KIF1B: variants seen among roughly 807,000 people sequenced by gnomAD.
The protein encoded by KIF1B is kinesin family member 1B.
In KIF1B, 76 loss-of-function variants were observed where a neutral mutation model predicts 241.9. That is an observed-to-expected ratio of 0.31 (90% CI 0.26 to 0.38). The LOEUF (loss-of-function observed/expected upper bound fraction) is 0.38. KIF1B is among the 10% of genes least tolerant of loss of function. KIF1B has a pLI of 1.00. For missense variants in KIF1B, 1,622 were observed against 2,271.4 expected, an observed-to-expected ratio of 0.71 and a Z score of 5.81; for synonymous variants, 750 against 796.7, an observed-to-expected ratio of 0.94 and a Z score of 0.99.
chr1:10,296,890 G>A lies in KIF1B; in HGVS notation c.1862-7G>A, dbSNP rs758079105. 6.2e-6 allele frequency: 10 copies of A among 1,613,010 alleles called. No homozygotes were observed. Among genetic ancestry groups the A allele is most frequent in the Non-Finnish European group, 8.5e-6 (10 of 1,179,452 alleles). On this transcript the variant is annotated splice_region_variant and splice_polypyrimidine_tract_variant and intron_variant, in intron 20 of 48. Coordinates refer to ENST00000676179, the MANE Select transcript of KIF1B (RefSeq NM_001365951.3). ...TTTCTTAACCCTATTTTTCTGTTTT[G>A]TGCTAGGAAACCGTATCATCATGGG... is the stretch of plus-strand genomic sequence containing the variant.
Position 10,324,084 on chromosome 1 carries a change from C to G in KIF1B, c.2537+22C>G. ...TCAAGTATGAAAACATTCATAAAGG[C>G]TGGTTGTTTTATTTAGGAAATAACA... is the stretch of plus-strand genomic sequence containing the variant. On this transcript the variant is annotated intron_variant, in intron 25 of 48. Transcript: ENST00000676179. 3 of 1,611,718 alleles carry G rather than the reference C, an allele frequency of 1.9e-6. No homozygotes were observed. In the East Asian group the frequency reaches 6.7e-5, roughly 36 times the overall value.
At chr1:10,328,221 T>C (rs1236384684) in intron 27 of KIF1B, among the ~76,000 whole-genome samples, 1 of 152,034 alleles carries the variant, frequency 6.6e-6, no homozygotes, top group East Asian at 1.9e-4. Flanking sequence ...TAAAACAGAA[T>C]TTGTAGTATG....
At chr1:10,260,881 A>AG (rs1491138995) in intron 4 of KIF1B, among the ~76,000 whole-genome samples, 1 of 151,626 alleles carries the variant, frequency 6.6e-6, no homozygotes, top group Non-Finnish European at 1.5e-5. Flanking sequence ...AAAAAAAAAA[A>AG]GAAACCACAC....
intron 1 of KIF1B, among the ~76,000 whole-genome samples, chr1:10,230,057 C>T (rs903746848): frequency 6.6e-6 from 1 of 151,840 alleles, no homozygotes; most frequent in Non-Finnish European, 1.5e-5. Context: ...TGCCTGTAGT[C>T]GCAGCTGTTT....
chr1:10,375,458 C>T lies in KIF1B; in HGVS notation c.5408+85C>T, dbSNP rs1475828052. The T allele has an allele frequency of 6.4e-6, 7 of 1,087,848 alleles. No individual in the cohort carries two copies. In the Admixed American group the frequency reaches 1.0e-4, roughly 16 times the overall value. 67.4% of individuals were successfully genotyped at this position (1,087,848 alleles called of 1,614,324 possible). On this transcript the variant is annotated intron_variant, in intron 48 of 48. Transcript: ENST00000676179. ...GAAGTGCAGTGGCTTGGTCTTGGCT[C>T]ACTGCAACCTCCGCCCCCTGGTTCA...
rs1569853492 is a variant in KIF1B, at chr1:10,337,202, G to C, written c.3258G>C (p.Leu1086Phe). The C allele has an allele frequency of 1.9e-6, 3 of 1,614,064 alleles. No individual in the cohort carries two copies. Among genetic ancestry groups the C allele is most frequent in the Non-Finnish European group, 2.5e-6 (3 of 1,180,008 alleles). The change falls in exon 30 of 49, where the codon TTG (leucine) becomes TTC (phenylalanine). Residue 1086 changes from leucine (L) to phenylalanine (F), a missense_variant and splice_region_variant. By Grantham distance (22) the Leu-to-Phe change is conservative. This residue lies in a region of KIF1B where 803 missense variants were observed against 1,112.0 expected (regional missense o/e 0.72). Transcript: ENST00000676179. This position sits in a 1 kb window ranked among gnomAD's most constrained non-coding sequence, Gnocchi z 4.0. ...AAGAAATCAGTCGAATTAATGACTT[G>C]GGTATGTAGACATAGTTTACTGTGC... Reference protein sequence around the residue: ...PPEEISRINDLDLKSSTLLDG... With the variant: ...PPEEISRINDFDLKSSTLLDG...
chr1:10,330,126 C>T (rs960260851), intron 27 of KIF1B, among the ~76,000 whole-genome samples: 6 of 152,180 alleles, frequency 3.9e-5, no homozygotes, highest in African/African-American at 1.4e-4. Context: ...CATCCCTGTT[C>T]TCCTTCAGTC....
intron 27 of KIF1B, among the ~76,000 whole-genome samples, chr1:10,329,724 A>T (rs1201844597): frequency 1.4e-5 from 2 of 146,234 alleles, no homozygotes; most frequent in Non-Finnish European, 3.0e-5. Context: ...CAGAGCAAAG[A>T]CTCTGTCTAG....
At chr1:10,371,388 G>A (rs1638728528) in intron 45 of KIF1B, 126 bp downstream of exon 45, 3 of 1,172,492 alleles carry the variant, frequency 2.6e-6, no homozygotes, top group East Asian at 5.1e-5. Context: ...GGAAATGTGT[G>A]GGAGCCTTTT....
chr1:10,348,659 G>A lies in KIF1B; in HGVS notation c.3875G>A (p.Arg1292Gln). The A allele has an allele frequency of 6.2e-7, 1 of 1,613,990 alleles. No homozygotes were observed. The highest frequency in any genetic ancestry group is 8.5e-7 in the Non-Finnish European group (1 of 1,179,888). The change falls in exon 37 of 49, where the codon CGA becomes CAA. Residue 1292 changes from arginine (R) to glutamine (Q), a missense_variant. Around this residue, in one of 7 missense-constraint regions of KIF1B, gnomAD observed 803 missense variants for 1,112.0 expected, o/e 0.72. Coordinates refer to ENST00000676179, the MANE Select transcript of KIF1B (RefSeq NM_001365951.3). The part of the protein sequence containing the change: ...GTFLLHQGIQ[R>Q]RITVTIIHEK... ...TGCTTCATTACCTAGGGCATCCAGC[G>A]AAGGATCACAGTGACCATTATCCAT...
chr1:10,295,504 A>G (rs1045434835), intron 18 of KIF1B, among the ~76,000 whole-genome samples, 156 bp from the exon 19 acceptor site: 2 of 152,174 alleles, frequency 1.3e-5, no homozygotes, highest in African/African-American at 4.8e-5. Flanking sequence ...GGTTGATCAT[A>G]TGTGAGGATA....
At chr1:10,239,773 A>G (rs141746141) in intron 2 of KIF1B, among the ~76,000 whole-genome samples, 12 of 151,308 alleles carry the variant, frequency 7.9e-5, no homozygotes, top group African/African-American at 2.2e-4. Context: ...ATGCCTGGCT[A>G]ATTTTTTTTT....
intron 22 of KIF1B, among the ~76,000 whole-genome samples, chr1:10,319,317 G>C (rs1234424406): frequency 2.0e-5 from 3 of 152,048 alleles, no homozygotes; most frequent in Admixed American, 6.6e-5. Context: ...GGTCAGGCTG[G>C]TCTCGAACTC....
At chr1:10,296,800 A>G in intron 20 of KIF1B, 97 bp from the exon 21 acceptor site, 1 of 1,377,780 alleles carries the variant, frequency 7.3e-7, no homozygotes, top group Non-Finnish European at 1.0e-6. Context: ...ACAGCTCTGA[A>G]AGCTGTCTTT....
At chr1:10,216,204 A>G (rs1341554803) in intron 1 of KIF1B, among the ~76,000 whole-genome samples, 1 of 152,158 alleles carries the variant, frequency 6.6e-6, no homozygotes, top group Admixed American at 6.6e-5. Context: ...AATTTCTTGA[A>G]TTGAGCTCAA....
intron 4 of KIF1B, among the ~76,000 whole-genome samples, chr1:10,261,288 T>C (rs992457396): frequency 1.3e-5 from 2 of 149,030 alleles, no homozygotes; most frequent in Non-Finnish European, 3.0e-5. Context: ...TTTTTTTTTT[T>C]AGACAGAGTT....
Position 10,339,708 on chromosome 1 carries a change from AG to A in KIF1B, c.3423-60del, listed in dbSNP as rs534704998. On this transcript the variant is annotated intron_variant, in intron 31 of 48. Coordinates refer to ENST00000676179, the MANE Select transcript of KIF1B (RefSeq NM_001365951.3). ...GTAGGATCCACATTGGGCTCTTGAAAGAGATTCTGATAAAACCGTTTAATGC... is the reference window on the plus strand; with the variant it reads ...GTAGGATCCACATTGGGCTCTTGAAAAGATTCTGATAAAACCGTTTAATGC... 2.6e-5 allele frequency: 36 copies of A among 1,404,200 alleles called. No homozygotes were observed. In the South Asian group the frequency reaches 3.9e-4, roughly 15 times the overall value. 87.0% of individuals were successfully genotyped at this position (1,404,200 alleles called of 1,614,324 possible).
chr1:10,309,363 A>G (rs142372078), intron 22 of KIF1B, among the ~76,000 whole-genome samples: 281 of 152,314 alleles, frequency 1.8e-3, no homozygotes, highest in Non-Finnish European at 3.1e-3. Context: ...CCTACCGTTT[A>G]TAGGGTGACA....
intron 33 of KIF1B, 69 bp from the exon 34 acceptor site, chr1:10,343,163 C>A: frequency 1.3e-6 from 2 of 1,517,904 alleles, no homozygotes; most frequent in Non-Finnish European, 1.8e-6. Context: ...TGCAGTCCAG[C>A]ACAAAGGGGA....
Sources: gnomAD v4.1 joint callset for allele counts (sites outside exome capture counted in the v4.1 genomes callset) on GRCh38, gnomAD v4.1.1 for gene constraint, gnomAD v4.1.1 regional missense constraint, Gnocchi (gnomAD v3.1) non-coding constraint, MANE v1.5 for transcripts, NCBI Gene and HGNC (gene_info 2026-07-23, HGNC 2026-07-21) for gene names.